The following ACTR5 variants were observed in gnomAD, a reference collection of about 807,000 sequenced individuals.
ACTR5 encodes actin-related protein 5.
ACTR5 carries 43 observed loss-of-function variants against 61.2 expected under a neutral mutation model. The observed-to-expected ratio is 0.70, with a 90% CI of 0.55 to 0.91. The LOEUF (loss-of-function observed/expected upper bound fraction) is 0.91. ACTR5 is among the 40% of genes least tolerant of loss of function. The pLI is 0.00. For missense variants in ACTR5, 798 were observed against 782.2 expected, an observed-to-expected ratio of 1.02 and a Z score of -0.24; for synonymous variants, 333 against 310.5, an observed-to-expected ratio of 1.07 and a Z score of -0.76.
At position 38,750,143 on chromosome 20, in the gene ACTR5, G is replaced by C. The variant is rs200399972; in HGVS notation, c.509G>C (p.Ser170Thr). ...KVAYGIDSLF[S>T]FYHNKPKNSM... is the part of the protein sequence containing the mutation. ...GCCTATGGAATAGACAGCCTCTTCA[G>C]CTTCTACCACAATAAGCCAAAGAAC... is the stretch of plus-strand genomic sequence containing the variant. Residue 170 changes from serine to threonine, a missense_variant, in exon 2 of 9, where the codon AGC (serine) becomes ACC (threonine). By Grantham distance (58) the Ser-to-Thr change is moderately conservative (BLOSUM62 1). Transcript: ENST00000243903. 143 of 1,614,152 alleles carry C rather than the reference G, an allele frequency of 8.9e-5. No individual in the cohort carries two copies. The South Asian group carries it at 1.3e-3, about 15-fold the overall frequency.
At chr20:38,756,615 GT>G (rs927993781) in intron 5 of ACTR5, among the ~76,000 whole-genome samples, 7 of 152,172 alleles carry the variant, frequency 4.6e-5, no homozygotes, top group African/African-American at 1.7e-4. Context: ...GTTAATAAGT[GT>G]TTTTGAGGCC....
intron 6 of ACTR5, 93 bp downstream of exon 6, chr20:38,765,611 A>C (rs1174043517): frequency 8.6e-6 from 9 of 1,051,134 alleles, no homozygotes; most frequent in Non-Finnish European, 1.3e-5. Flanking sequence ...TAAAACTGTT[A>C]TGTTTTTTAG....
intron 5 of ACTR5, among the ~76,000 whole-genome samples, chr20:38,762,595 G>A (rs540622997): frequency 2.6e-4 from 39 of 152,302 alleles, no homozygotes; most frequent in Non-Finnish European, 1.5e-5. Context: ...AGTGGAAAGA[G>A]TACTGGGAGG....
At chr20:38,766,121 C>T (rs2084484903) in intron 6 of ACTR5, 117 bp from the exon 7 acceptor site, 3 of 1,146,310 alleles carry the variant, frequency 2.6e-6, no homozygotes, top group Admixed American at 2.4e-5. Flanking sequence ...AGAAGCTATA[C>T]TGGCATTAAC....
chr20:38,766,980 G>T (rs1239330650), intron 7 of ACTR5, among the ~76,000 whole-genome samples: 2 of 152,156 alleles, frequency 1.3e-5, no homozygotes, highest in African/African-American at 2.4e-5. Context: ...GCTTTGTCTT[G>T]ACAGTGGTTG....
At chr20:38,766,975 G>A (rs16987583) in intron 7 of ACTR5, among the ~76,000 whole-genome samples, 25,908 of 152,102 alleles carry the variant, frequency 0.17, 2,157 homozygotes, top group Admixed American at 0.19. Context: ...TTTGAGCTTT[G>A]TCTTGACAGT....
chr20:38,755,960 T>C lies in ACTR5; in HGVS notation c.1097T>C (p.Ile366Thr), dbSNP rs1195110658. ...ELQSYIQKLS[I>T]AVEQAKQKIL... ...CAGTCCTACATCCAGAAGCTCAGTA[T>C]AGCAGTGGAGCAGGCTAAGCAGAAA... Residue 366 changes from isoleucine (I) to threonine (T), a missense_variant, in exon 5 of 9, where the codon ATA becomes ACA. Transcript: ENST00000243903. 2 of 1,614,062 alleles carry C rather than the reference T, an allele frequency of 1.2e-6. No homozygotes were observed. The highest frequency in any genetic ancestry group is 2.7e-5 in the African/African-American group (2 of 74,944).
chr20:38,771,441 C>A, intron 8 of ACTR5, 118 bp from the exon 9 acceptor site: 1 of 1,394,484 alleles, frequency 7.2e-7, no homozygotes, highest in Non-Finnish European at 9.8e-7. Flanking sequence ...TTGGAGTGCA[C>A]TGGGCCCACC....
At chr20:38,767,417 C>T in intron 7 of ACTR5, 47 bp from the exon 8 acceptor site, 1 of 1,511,060 alleles carries the variant, frequency 6.6e-7, no homozygotes, top group Non-Finnish European at 8.9e-7. Context: ...ACATTTCGTT[C>T]TGATATTTGA....
intron 8 of ACTR5, among the ~76,000 whole-genome samples, chr20:38,769,681 G>T (rs2084508948): frequency 6.6e-6 from 1 of 152,148 alleles, no homozygotes; most frequent in Non-Finnish European, 1.5e-5. Flanking sequence ...AAGGGGGAAA[G>T]CAAGAGGGTA....
intron 8 of ACTR5, among the ~76,000 whole-genome samples, chr20:38,768,830 T>C (rs566490999): frequency 6.6e-6 from 1 of 152,326 alleles, no homozygotes; most frequent in South Asian, 2.1e-4. Flanking sequence ...TTAACTCTTT[T>C]CTGCACAGCT....
Position 38,771,930 on chromosome 20 carries a change from C to G in ACTR5, c.*114C>G. ...GCCCAAGTCTGCTGGTCACATTTGGCAGCAAAATGGATTTCTCCTGGGGAG... is the reference window on the plus strand; with the variant it reads ...GCCCAAGTCTGCTGGTCACATTTGGGAGCAAAATGGATTTCTCCTGGGGAG... On this transcript the variant is annotated 3_prime_UTR_variant, in exon 9 of 9. Coordinates refer to ENST00000243903, the MANE Select transcript of ACTR5 (RefSeq NM_024855.4). The G allele has an allele frequency of 7.1e-7, 1 of 1,408,240 alleles. No homozygotes were observed. The highest frequency in any genetic ancestry group is 1.4e-5 in the South Asian group (1 of 69,984). 87.2% of individuals were successfully genotyped at this position (1,408,240 alleles called of 1,614,324 possible).
chr20:38,756,582 TTC>T (rs1422590585), intron 5 of ACTR5, among the ~76,000 whole-genome samples: 3 of 152,232 alleles, frequency 2.0e-5, no homozygotes, highest in African/African-American at 7.2e-5. Context: ...CTTCTTCTTC[TTC>T]TGTTTCCTCA....
At chr20:38,760,131 G>C (rs957254389) in intron 5 of ACTR5, among the ~76,000 whole-genome samples, 3 of 150,794 alleles carry the variant, frequency 2.0e-5, no homozygotes, top group African/African-American at 7.3e-5. Flanking sequence ...TCCAACCTGG[G>C]CAACAGAACA....
At position 38,755,010 on chromosome 20, in the gene ACTR5, C is replaced by A; in HGVS notation, c.829C>A (p.Gln277Lys). ...DYYENNVHKM[Q>K]LPFSSKLLGS... ...TTATGAGAATAATGTCCACAAGATGCAGCTCCCATTTTCCAGCAAGCTCCT... is the reference window on the plus strand; with the variant it reads ...TTATGAGAATAATGTCCACAAGATGAAGCTCCCATTTTCCAGCAAGCTCCT... Residue 277 changes from glutamine to lysine, a missense_variant, in exon 4 of 9, where the codon CAG (glutamine) becomes AAG (lysine). Coordinates refer to ENST00000243903, the MANE Select transcript of ACTR5 (RefSeq NM_024855.4). 1 of 1,614,240 alleles carries A rather than the reference C, an allele frequency of 6.2e-7. No individual in the cohort carries two copies. The highest frequency in any genetic ancestry group is 8.5e-7 in the Non-Finnish European group (1 of 1,180,050).
At chr20:38,765,361 C>T (rs1361156701) in intron 5 of ACTR5, 41 bp from the exon 6 acceptor site, 1 of 1,441,388 alleles carries the variant, frequency 6.9e-7, no homozygotes, top group East Asian at 2.3e-5. Context: ...CTGAGGCCTG[C>T]TGAAGGTACA....
intron 7 of ACTR5, 33 bp downstream of exon 7, chr20:38,766,410 TC>T (rs756042556): frequency 6.5e-7 from 1 of 1,549,388 alleles, no homozygotes; most frequent in Non-Finnish European, 8.7e-7. Flanking sequence ...CCTTCTATCT[TC>T]CTGAACCATT....
At chr20:38,760,366 A>G (rs1018456594) in intron 5 of ACTR5, among the ~76,000 whole-genome samples, 2 of 152,124 alleles carry the variant, frequency 1.3e-5, no homozygotes, top group Admixed American at 1.3e-4. Flanking sequence ...GGAGCCTTCC[A>G]GGGATGTTGA....
Position 38,750,020 on chromosome 20 carries a change from A to T in ACTR5, c.386A>T (p.Asp129Val), listed in dbSNP as rs750701986. Residue 129 changes from aspartate to valine, a missense_variant, in exon 2 of 9, where the codon GAT becomes GTT. Transcript: ENST00000243903. ...TTTCTTTCAAAGTAGGGCTGTGTTGATCATCCCATAGTTTTGACAGAAGCT... is the reference window on the plus strand; with the variant it reads ...TTTCTTTCAAAGTAGGGCTGTGTTGTTCATCCCATAGTTTTGACAGAAGCT... ...HLGVSSQGCV[D>V]HPIVLTEAVC... 3.7e-6 allele frequency: 6 copies of T among 1,613,862 alleles called. No homozygotes were observed. The highest frequency in any genetic ancestry group is 1.3e-5 in the African/African-American group (1 of 74,934).
Sources: allele counts gnomAD v4.1 joint callset (sites outside exome capture counted in the v4.1 genomes callset), GRCh38; gene constraint gnomAD v4.1.1; transcripts MANE v1.5; gene names NCBI Gene and HGNC (gene_info 2026-07-23, HGNC 2026-07-21).